Variants in CHD8 observed in about 807,000 individuals in gnomAD.
The protein encoded by CHD8 is chromodomain helicase DNA binding protein 8.
A neutral mutation model predicts 279.2 loss-of-function variants in CHD8; 31 were observed. The observed-to-expected ratio is 0.11, with a 90% confidence interval of 0.08 to 0.15. The LOEUF (loss-of-function observed/expected upper bound fraction) is 0.15, where lower values mean the gene tolerates loss of function less well. Ranked by LOEUF, CHD8 falls within the 10% of genes least tolerant of loss-of-function variation. The pLI is 1.00. For synonymous variants in CHD8, 1,081 were observed against 1,139.6 expected (o/e 0.95, Z 1.04); for missense variants, 2,146 against 3,230.5 (o/e 0.66, Z 8.14).
Position 21,403,789 on chromosome 14 carries a change from G to A in CHD8, c.3308-126C>T. On this transcript the variant is annotated intron_variant, in intron 16 of 37. Transcript: ENST00000646647. The surrounding 1 kb of genome is among the most constrained non-coding windows in gnomAD (Gnocchi z 4.3). ...TTAAGACCAACATTTCTCACACACA[G>A]AATTTCAGCACAAAAAAGTCTTAAA... 7.2e-6 allele frequency: 6 copies of A among 833,126 alleles called. No homozygotes were observed. The South Asian group carries it at 1.0e-4, about 14-fold the overall frequency. 51.6% of individuals were successfully genotyped at this position (833,126 alleles called of 1,614,324 possible).
At chr14:21,386,575 C>T (rs928534884) in intron 37 of CHD8, among the ~76,000 whole-genome samples, 4 of 152,168 alleles carry the variant, frequency 2.6e-5, no homozygotes, top group Admixed American at 1.3e-4. Flanking sequence ...CGGTGGCTCA[C>T]GCCTGTAATC....
At chr14:21,398,015 T>A (rs1474296633) in intron 26 of CHD8, 63 bp from the exon 27 acceptor site, 6 of 1,449,618 alleles carry the variant, frequency 4.1e-6, no homozygotes, top group Non-Finnish European at 4.7e-6. Context: ...GCTTACTTTA[T>A]ATGCTGCTGG....
intron 21 of CHD8, 127 bp from the exon 22 acceptor site, chr14:21,401,198 A>G (rs1888018135): frequency 1.1e-6 from 1 of 910,192 alleles, no homozygotes; most frequent in Non-Finnish European, 1.6e-6. Flanking sequence ...TTTAAATGAC[A>G]TGTAAAATAA....
chr14:21,446,018 C>A (rs183486410), intron 1 of CHD8, among the ~76,000 whole-genome samples: 20 of 151,682 alleles, frequency 1.3e-4, no homozygotes, highest in African/African-American at 4.6e-4. Context: ...ATGGTGAGAT[C>A]CCGTCTCTAC....
chr14:21,407,286 T>G (rs551951185), intron 13 of CHD8, among the ~76,000 whole-genome samples: 17 of 152,338 alleles, frequency 1.1e-4, no homozygotes, highest in African/African-American at 3.8e-4. Context: ...TTTTTTACTC[T>G]GCTGTATGCC....
At position 21,400,740 on chromosome 14, in the gene CHD8, ACTCC is replaced by A. The variant is rs1421123166; in HGVS notation, c.4370+131_4371-129del. 3 of 1,269,998 alleles carry A rather than the reference ACTCC, an allele frequency of 2.4e-6. No homozygotes were observed. Among genetic ancestry groups the A allele is most frequent in the African/African-American group, 1.5e-5 (1 of 66,372 alleles). The allele number at this position is 1,269,998 out of a possible 1,614,324, so 78.7% of individuals were successfully genotyped here. On this transcript the variant is annotated intron_variant, in intron 22 of 37. Coordinates refer to ENST00000646647, the MANE Select transcript of CHD8 (RefSeq NM_001170629.2). The surrounding 1 kb of genome is among the most constrained non-coding windows in gnomAD (Gnocchi z 4.2). Reference sequence around the variant, plus strand: ...CATGGTAACAGAATAAACAGAACAAACTCCCTCCAAGGCAAATATTTTTTCACAT... The same window carrying A: ...CATGGTAACAGAATAAACAGAACAAACTCCAAGGCAAATATTTTTTCACAT...
intron 1 of CHD8, among the ~76,000 whole-genome samples, chr14:21,442,674 GA>G (rs1890006152): frequency 9.7e-6 from 1 of 103,466 alleles, no homozygotes; most frequent in African/African-American, 4.4e-5. Context: ...GAGAGGGGAG[GA>G]GAGGAGAGGG....
At chr14:21,436,197 A>AT (rs1889773950) in intron 1 of CHD8, among the ~76,000 whole-genome samples, 1 of 152,254 alleles carries the variant, frequency 6.6e-6, no homozygotes, top group Non-Finnish European at 1.5e-5. Context: ...TATTTTATTT[A>AT]CTTCAAAGAA....
At chr14:21,441,660 G>A (rs996851598) in intron 1 of CHD8, among the ~76,000 whole-genome samples, 12 of 152,002 alleles carry the variant, frequency 7.9e-5, no homozygotes, top group African/African-American at 1.4e-4. Flanking sequence ...AGGCCAAGGC[G>A]GGCATATCAC....
chr14:21,434,122 C>A (rs976003578), intron 1 of CHD8, among the ~76,000 whole-genome samples: 1 of 151,078 alleles, frequency 6.6e-6, no homozygotes, highest in Non-Finnish European at 1.5e-5. Flanking sequence ...CTCGGCTCAC[C>A]GCAACCTCTA....
intron 5 of CHD8, among the ~76,000 whole-genome samples, chr14:21,423,016 G>A (rs752861586): frequency 6.6e-6 from 1 of 152,266 alleles, no homozygotes; most frequent in East Asian, 1.9e-4. Context: ...GAGGTCAGGA[G>A]TTTGAGATCA....
chr14:21,408,629 A>C lies in CHD8; in HGVS notation c.2487-74T>G. On this transcript the variant is annotated intron_variant, in intron 12 of 37. Transcript: ENST00000646647. This position sits in a 1 kb window ranked among gnomAD's most constrained non-coding sequence, Gnocchi z 4.3. ...AAAAAAAATAGAGTATGTAGGAAGAAATTGTTTCAATAGAAAACAAATAAA... is the reference window on the plus strand; with the variant it reads ...AAAAAAAATAGAGTATGTAGGAAGACATTGTTTCAATAGAAAACAAATAAA... The C allele has an allele frequency of 6.4e-7, 1 of 1,566,888 alleles. No individual in the cohort carries two copies. Among genetic ancestry groups the C allele is most frequent in the Admixed American group, 1.9e-5 (1 of 51,698 alleles).
At chr14:21,440,928 T>A (rs1889943690) in intron 1 of CHD8, among the ~76,000 whole-genome samples, 1 of 152,100 alleles carries the variant, frequency 6.6e-6, no homozygotes, top group African/African-American at 2.4e-5. Flanking sequence ...AGTGAACATT[T>A]GCTAGTTTTT....
chr14:21,431,550 G>C lies in CHD8; in HGVS notation c.94C>G (p.Pro32Ala), dbSNP rs1299037115. 1.2e-5 allele frequency: 18 copies of C among 1,537,046 alleles called. No homozygotes were observed. Among genetic ancestry groups the C allele is most frequent in the Non-Finnish European group, 1.5e-5 (17 of 1,146,904 alleles). The change falls in exon 2 of 38, where the codon CCC becomes GCC. Residue 32 changes from proline (P) to alanine (A), a missense_variant. Around this residue, in one of 26 missense-constraint regions of CHD8, gnomAD observed 302 missense variants for 325.5 expected, o/e 0.93. Transcript: ENST00000646647. ...GGCAGTCCAAGGGCTTCCTCAATGG[G>C]GTCTTGTGTGACCTGGTTAAAGCTG... ...DDSFNQVTQD[P>A]IEEALGLPSS...
In CHD8 at chr14:21,405,605, CA is replaced by C. The variant is rs921676719; in HGVS notation, c.3051+115del. On this transcript the variant is annotated intron_variant, in intron 15 of 37. Transcript: ENST00000646647. The surrounding 1 kb of genome is among the most constrained non-coding windows in gnomAD (Gnocchi z 4.2). Reference sequence around the variant, plus strand: ...GATGATGCCACAAATGATGTAGGCACAAGGTTATAAGGAGTTCAGAAAGGCC... The same window carrying C: ...GATGATGCCACAAATGATGTAGGCACAGGTTATAAGGAGTTCAGAAAGGCC... 4.9e-5 allele frequency: 72 copies of C among 1,461,134 alleles called. No individual in the cohort carries two copies. Among genetic ancestry groups the C allele is most frequent in the Admixed American group, 4.5e-4 (22 of 48,496 alleles). The allele number at this position is 1,461,134 out of a possible 1,614,324, so 90.5% of individuals were successfully genotyped here.
chr14:21,447,062 G>GCCAAAGCAATGGCTTCC (rs1890140095), intron 1 of CHD8, among the ~76,000 whole-genome samples: 1 of 152,172 alleles, frequency 6.6e-6, no homozygotes, highest in South Asian at 2.1e-4. Context: ...AGGTTTCTGA[G>GCCAAAGCAATGGCTTCC]CCAAAGCAAT....
rs747679417 is a variant in CHD8 at position 21,391,524 on chromosome 14, G to A, written c.7004C>T (p.Ala2335Val). 3 of 1,613,894 alleles carry A rather than the reference G, an allele frequency of 1.9e-6. No individual in the cohort carries two copies. In the East Asian group the frequency reaches 6.7e-5, roughly 36 times the overall value. Reference protein sequence around the residue: ...LLVGEDAPRRAELEMWLQGHP... With the variant: ...LLVGEDAPRRVELEMWLQGHP... ...ACCCTGTAACCACATCTCCAGTTCAGCCCGGCGAGGGGCATCCTCACCCAC... is the reference window on the plus strand; with the variant it reads ...ACCCTGTAACCACATCTCCAGTTCAACCCGGCGAGGGGCATCCTCACCCAC... The change falls in exon 36 of 38, where the codon GCT (alanine) becomes GTT (valine). Residue 2335 changes from alanine (A) to valine (V), a missense_variant. Coordinates refer to ENST00000646647, the MANE Select transcript of CHD8 (RefSeq NM_001170629.2).
intron 1 of CHD8, among the ~76,000 whole-genome samples, chr14:21,443,503 A>T (rs1344534123): frequency 2.6e-5 from 4 of 152,134 alleles, no homozygotes. Context: ...CAGAGAATAG[A>T]GATTTGCAGG....
At position 21,431,622 on chromosome 14, in the gene CHD8, G is replaced by T; in HGVS notation, c.22C>A (p.Leu8Met). The T allele has an allele frequency of 6.5e-7, 1 of 1,539,336 alleles. No homozygotes were observed. Among genetic ancestry groups the T allele is most frequent in the South Asian group, 1.2e-5 (1 of 84,220 alleles). ...CCAAATAAATTTGGGTCATCGAACAGATCCATGATGGGGTCTGCCATCTTG... is the reference window on the plus strand; with the variant it reads ...CCAAATAAATTTGGGTCATCGAACATATCCATGATGGGGTCTGCCATCTTG... MADPIMD[L>M]FDDPNLFGLD... Residue 8 changes from leucine (L) to methionine (M), a missense_variant, in exon 2 of 38, where the codon CTG becomes ATG. Leu to Met is a conservative substitution (Grantham distance 15). Coordinates refer to ENST00000646647, the MANE Select transcript of CHD8 (RefSeq NM_001170629.2).
Sources: gnomAD v4.1 joint callset for allele counts (sites outside exome capture counted in the v4.1 genomes callset) on GRCh38, gnomAD v4.1.1 for gene constraint, gnomAD v4.1.1 regional missense constraint, Gnocchi (gnomAD v3.1) non-coding constraint, MANE v1.5 for transcripts, NCBI Gene and HGNC (gene_info 2026-07-23, HGNC 2026-07-21) for gene names.